Variants in SEMA6D observed in about 807,000 individuals in gnomAD.
SEMA6D encodes the protein semaphorin 6D.
In SEMA6D, 35 loss-of-function variants were observed where a neutral mutation model predicts 106.6. The observed-to-expected ratio is 0.33, with a 90% CI of 0.25 to 0.44. SEMA6D has a LOEUF of 0.44. Ranked by LOEUF, SEMA6D falls within the 20% of genes least tolerant of loss-of-function variation. The pLI, the probability that SEMA6D is intolerant of heterozygous loss-of-function variation, is 1.00. For missense variants in SEMA6D, 1,185 were observed against 1,345.9 expected, an observed-to-expected ratio of 0.88 and a Z score of 1.87; for synonymous variants, 499 against 487.7, an observed-to-expected ratio of 1.02 and a Z score of -0.31.
rs147673373 is a variant in SEMA6D at position 47,284,242 on chromosome 15, A to G, written c.-239+99824A>G. Among the ~76,000 whole-genome samples the G allele has an allele frequency of 3.9e-4, 60 of 152,300 alleles. 1 individual carries two copies. In the East Asian group the frequency reaches 0.011, roughly 27 times the overall value. On this transcript the variant is annotated intron_variant, in intron 1 of 19. Transcript: ENST00000558014. ...TCTGCCAGAAGATGTGCTTGAACCT[A>G]TTGTTTATATGGTGACAGTTAAACA...
At chr15:47,407,721 G>A (rs533931070) in intron 1 of SEMA6D, among the ~76,000 whole-genome samples, 3 of 152,322 alleles carry the variant, frequency 2.0e-5, no homozygotes, top group South Asian at 4.1e-4. Flanking sequence ...TATACACAAA[G>A]TGCAGACCTG....
At chr15:47,766,938 GTCTT>G in intron 16 of SEMA6D, 95 bp from the exon 17 acceptor site, 1 of 664,934 alleles carries the variant, frequency 1.5e-6, no homozygotes, top group Non-Finnish European at 2.4e-6. Flanking sequence ...TTAATTTATA[GTCTT>G]TTTTTTTTTT....
intron 1 of SEMA6D, among the ~76,000 whole-genome samples, chr15:47,267,972 T>G (rs2142202765): frequency 6.6e-6 from 1 of 152,304 alleles, no homozygotes; most frequent in African/African-American, 2.4e-5. Context: ...TCATCAGTTC[T>G]GTCTAGGCCC....
intron 1 of SEMA6D, among the ~76,000 whole-genome samples, chr15:47,403,412 G>A (rs537585225): frequency 6.6e-6 from 1 of 152,264 alleles, no homozygotes; most frequent in African/African-American, 2.4e-5. Context: ...AATATGAACA[G>A]GGTATCATCT....
intron 3 of SEMA6D, among the ~76,000 whole-genome samples, chr15:47,541,373 A>G (rs1238354733): frequency 1.3e-5 from 2 of 152,198 alleles, no homozygotes; most frequent in Non-Finnish European, 2.9e-5. Context: ...AAAATTCAAG[A>G]TGAAAGAATC....
At chr15:47,425,530 A>G (rs2041303620) in intron 2 of SEMA6D, among the ~76,000 whole-genome samples, 1 of 152,090 alleles carries the variant, frequency 6.6e-6, no homozygotes, top group South Asian at 2.1e-4. Flanking sequence ...GGACACCCTC[A>G]AAAGGAACAT....
chr15:47,473,648 G>A (rs908013314), intron 3 of SEMA6D, among the ~76,000 whole-genome samples: 4 of 152,084 alleles, frequency 2.6e-5, no homozygotes, highest in African/African-American at 7.2e-5. Context: ...TAAAAAGAAA[G>A]CTTCTCATAA....
chr15:47,407,409 C>CAACAAAAAAA (rs1567058212), intron 1 of SEMA6D, among the ~76,000 whole-genome samples: 1 of 118,890 alleles, frequency 8.4e-6, no homozygotes, highest in Non-Finnish European at 1.7e-5. Flanking sequence ...ACAACAACAA[C>CAACAAAAAAA]AAAAAAAACA....
chr15:47,693,613 T>C (rs1417155719), intron 4 of SEMA6D, among the ~76,000 whole-genome samples: 1 of 152,134 alleles, frequency 6.6e-6, no homozygotes, highest in Admixed American at 6.5e-5. Context: ...AAATTTCAAA[T>C]GCTTGGGGAC....
intron 3 of SEMA6D, among the ~76,000 whole-genome samples, chr15:47,544,788 A>T (rs1431939884): frequency 7.0e-6 from 1 of 143,358 alleles, no homozygotes; most frequent in Admixed American, 7.2e-5. Flanking sequence ...GAGAGGGAAA[A>T]GTAGGGGTGG....
intron 4 of SEMA6D, among the ~76,000 whole-genome samples, chr15:47,653,773 C>T (rs1483194965): frequency 1.3e-5 from 2 of 152,178 alleles, no homozygotes; most frequent in African/African-American, 2.4e-5. Context: ...GCATAGTAAA[C>T]AGCCACCCAG....
At chr15:47,638,429 T>G (rs2077430097) in intron 4 of SEMA6D, among the ~76,000 whole-genome samples, 1 of 152,202 alleles carries the variant, frequency 6.6e-6, no homozygotes, top group Admixed American at 6.5e-5. Flanking sequence ...TAGAATGATA[T>G]CAGACTACTG....
intron 4 of SEMA6D, among the ~76,000 whole-genome samples, chr15:47,699,043 G>A (rs951676489): frequency 7.9e-5 from 12 of 151,280 alleles, no homozygotes; most frequent in Non-Finnish European, 1.3e-4. Flanking sequence ...GAATATGAAA[G>A]AAGAATAATC....
At chr15:47,209,607 G>T (rs1027963631) in intron 1 of SEMA6D, among the ~76,000 whole-genome samples, 7 of 152,290 alleles carry the variant, frequency 4.6e-5, no homozygotes, top group African/African-American at 1.4e-4. Context: ...GATCTCAAGA[G>T]TAATGTAAAT....
chr15:47,219,292 G>T (rs2141342499), intron 1 of SEMA6D, among the ~76,000 whole-genome samples: 1 of 152,276 alleles, frequency 6.6e-6, no homozygotes, highest in Middle Eastern at 3.4e-3. Context: ...GCGAGAGATG[G>T]ACCATGGATC....
At chr15:47,711,668 C>T in intron 4 of SEMA6D, among the ~76,000 whole-genome samples, 1 of 152,212 alleles carries the variant, frequency 6.6e-6, no homozygotes, top group East Asian at 1.9e-4. Flanking sequence ...CACCACCCTT[C>T]ACTCCCTTGC....
intron 3 of SEMA6D, among the ~76,000 whole-genome samples, chr15:47,513,580 G>A (rs565223788): frequency 6.6e-6 from 1 of 152,262 alleles, no homozygotes; most frequent in African/African-American, 2.4e-5. Flanking sequence ...CAGGGTAGCA[G>A]TTACAGAAAA....
chr15:47,299,318 A>G (rs1176932536), intron 1 of SEMA6D, among the ~76,000 whole-genome samples: 1 of 152,226 alleles, frequency 6.6e-6, no homozygotes, highest in Non-Finnish European at 1.5e-5. Context: ...GAATAATTTC[A>G]GTCATTTAGG....
intron 1 of SEMA6D, among the ~76,000 whole-genome samples, chr15:47,733,717 G>A (rs532491804): frequency 6.6e-6 from 1 of 152,282 alleles, no homozygotes; most frequent in South Asian, 2.1e-4. Context: ...ATGTTACTAG[G>A]TCTTCAGGAG....
Sources: gnomAD v4.1 joint callset for allele counts (sites outside exome capture counted in the v4.1 genomes callset) on GRCh38, gnomAD v4.1.1 for gene constraint, MANE v1.5 for transcripts, NCBI Gene and HGNC (gene_info 2026-07-23, HGNC 2026-07-21) for gene names.